POMP: variants seen among roughly 807,000 people sequenced by gnomAD.
POMP encodes proteasome maturation protein.
A neutral mutation model predicts 20.6 loss-of-function variants in POMP; 12 were observed. That is an observed-to-expected ratio of 0.58 (90% CI 0.37 to 0.94). The LOEUF (loss-of-function observed/expected upper bound fraction) is 0.94. POMP is among the 40% of genes least tolerant of loss of function. The pLI is 0.01. For synonymous variants in POMP, 53 were observed against 55.0 expected (o/e 0.96, Z 0.16); for missense variants, 136 against 161.1 (o/e 0.84, Z 0.84).
At chr13:28,662,310 A>G in intron 1 of POMP, 100 bp from the exon 2 acceptor site, 1 of 842,196 alleles carries the variant, frequency 1.2e-6, no homozygotes, top group Non-Finnish European at 1.9e-6. Context: ...AGGGCCTCTT[A>G]TTTTTCTGTC....
rs771652313 is a variant in POMP at position 28,659,164 on chromosome 13, C to G, written c.-21C>G. 3 of 1,583,802 alleles carry G rather than the reference C, an allele frequency of 1.9e-6. No homozygotes were observed. The highest frequency in any genetic ancestry group is 1.8e-5 in the Admixed American group (1 of 55,746). On this transcript the variant is annotated 5_prime_UTR_variant, in exon 1 of 6. Coordinates refer to ENST00000380842, the MANE Select transcript of POMP (RefSeq NM_015932.6). ...GACTGACGGTAACGGGGCAGAGAGGCTGTTCGCAGAGCTGCGGAAGATGGT... is the reference window on the plus strand; with the variant it reads ...GACTGACGGTAACGGGGCAGAGAGGGTGTTCGCAGAGCTGCGGAAGATGGT...
chr13:28,664,427 C>G (rs1884402584), intron 2 of POMP, 82 bp from the exon 3 acceptor site: 2 of 923,068 alleles, frequency 2.2e-6, no homozygotes, highest in South Asian at 3.0e-5. Context: ...TCATGCCATC[C>G]CTTTATAGAT....
chr13:28,674,047 G>T, intron 5 of POMP, among the ~76,000 whole-genome samples: 1 of 152,200 alleles, frequency 6.6e-6, no homozygotes. Flanking sequence ...CATTGACCTA[G>T]AAGTAGAAGG....
intron 5 of POMP, among the ~76,000 whole-genome samples, chr13:28,677,343 G>A (rs1479998602): frequency 6.6e-6 from 1 of 151,858 alleles, no homozygotes; most frequent in Non-Finnish European, 1.5e-5. Context: ...TTATGTGCAG[G>A]GTTATTCATT....
intron 5 of POMP, among the ~76,000 whole-genome samples, chr13:28,673,070 CTTT>C (rs34619603): frequency 1.6e-5 from 2 of 126,498 alleles, no homozygotes; most frequent in African/African-American, 5.7e-5. Flanking sequence ...AGGAATCTGT[CTTT>C]TTTTTTTTTT....
chr13:28,676,805 C>T (rs1294173771), intron 5 of POMP, among the ~76,000 whole-genome samples: 2 of 152,124 alleles, frequency 1.3e-5, no homozygotes, highest in Non-Finnish European at 2.9e-5. Flanking sequence ...CTTTCATGTA[C>T]TCTAATCCCC....
Position 28,668,485 on chromosome 13 carries a change from CAAGA to C in POMP, c.176_179del (p.Gln59LeufsTer3). The C allele has an allele frequency of 6.2e-7, 1 of 1,606,892 alleles. No individual in the cohort carries two copies. The highest frequency in any genetic ancestry group is 8.5e-7 in the Non-Finnish European group (1 of 1,173,662). On this transcript the variant is annotated frameshift_variant, in exon 4 of 6. Coordinates refer to ENST00000380842, the MANE Select transcript of POMP (RefSeq NM_015932.6). LOFTEE classifies it high-confidence loss of function. The stretch of plus-strand genomic sequence containing the variant: ...TTGTCTTTTGTAGTTCCAGCTCAAC[CAAGA>C]TAAAATGAATTTTTCCACACTGAGA...
At chr13:28,669,044 AT>A (rs1884495858) in intron 4 of POMP, among the ~76,000 whole-genome samples, 1 of 152,100 alleles carries the variant, frequency 6.6e-6, no homozygotes, top group Non-Finnish European at 1.5e-5. Context: ...TCAAGCTGAT[AT>A]CTTTAACCCC....
Position 28,677,371 on chromosome 13 carries a change from C to T in POMP, c.359-664C>T, listed in dbSNP as rs950627428. Among the ~76,000 whole-genome samples, 10 of 152,216 alleles carry T rather than the reference C, an allele frequency of 6.6e-5. 1 individual carries two copies. In the East Asian group the frequency reaches 9.6e-4, roughly 15 times the overall value. On this transcript the variant is annotated intron_variant, in intron 5 of 5. Transcript: ENST00000380842. ...TATTCATTTTTACAAAGTGATTTTA[C>T]GATTTAGTTCATTAGGTTTTTATTC...
intron 2 of POMP, among the ~76,000 whole-genome samples, chr13:28,663,023 T>G (rs1460445679): frequency 6.6e-6 from 1 of 152,214 alleles, no homozygotes; most frequent in Non-Finnish European, 1.5e-5. Flanking sequence ...AATAAATGAG[T>G]TAATACCTGA....
intron 1 of POMP, among the ~76,000 whole-genome samples, chr13:28,661,655 G>T (rs143371557): frequency 4.6e-5 from 7 of 152,166 alleles, no homozygotes; most frequent in South Asian, 2.1e-4. Flanking sequence ...TCACAGTAGC[G>T]TAGGGTAATC....
Position 28,672,451 on chromosome 13 carries a change from CT to C in POMP, c.358+24del. 6.6e-7 allele frequency: 1 copy of C among 1,525,446 alleles called. No homozygotes were observed. Among genetic ancestry groups the C allele is most frequent in the Non-Finnish European group, 9.1e-7 (1 of 1,099,562 alleles). The allele number at this position is 1,525,446 out of a possible 1,614,324, so 94.5% of individuals were successfully genotyped here. ...CTTAATGGTAAGTGTCATTCAGCAC[CT>C]TTTTATGGAGCCCTTGTAATTTAAA... is the stretch of plus-strand genomic sequence containing the variant. On this transcript the variant is annotated intron_variant, in intron 5 of 5. Transcript: ENST00000380842.
chr13:28,663,908 A>G (rs190986314), intron 2 of POMP, among the ~76,000 whole-genome samples: 275 of 152,220 alleles, frequency 1.8e-3, no homozygotes, highest in African/African-American at 6.5e-3. Flanking sequence ...TCAATAAACA[A>G]TTGTTGCAGG....
chr13:28,662,408 A>G lies in POMP; in HGVS notation c.4-2A>G. 1 of 1,607,724 alleles carries G rather than the reference A, an allele frequency of 6.2e-7. No individual in the cohort carries two copies. Among genetic ancestry groups the G allele is most frequent in the Non-Finnish European group, 8.5e-7 (1 of 1,174,290 alleles). ...TAATAATGTTTTTTATTTGTGTTGT[A>G]GAATGCCAGAGGACTTGGATCTGAG... On this transcript the variant is annotated splice_acceptor_variant, in intron 1 of 5. Coordinates refer to ENST00000380842, the MANE Select transcript of POMP (RefSeq NM_015932.6). LOFTEE classifies it high-confidence loss of function.
intron 5 of POMP, among the ~76,000 whole-genome samples, chr13:28,673,450 T>C (rs1884584649): frequency 6.6e-6 from 1 of 152,252 alleles, no homozygotes; most frequent in Admixed American, 6.5e-5. Flanking sequence ...TCCTCTATTT[T>C]TTCTGGTCCT....
chr13:28,677,974 A>G, intron 5 of POMP, 61 bp from the exon 6 acceptor site: 3 of 1,503,800 alleles, frequency 2.0e-6, no homozygotes, highest in Non-Finnish European at 2.8e-6. Context: ...TGTAAGCAGA[A>G]TCATTGAATG....
At chr13:28,662,646 G>A (rs1199129821) in intron 2 of POMP, 139 bp downstream of exon 2, 2 of 719,858 alleles carry the variant, frequency 2.8e-6, no homozygotes, top group Admixed American at 2.3e-5. Flanking sequence ...GTGCAGAGGG[G>A]AAGAGGCTTA....
At chr13:28,668,192 G>A (rs1158303742) in intron 3 of POMP, among the ~76,000 whole-genome samples, 1 of 152,166 alleles carries the variant, frequency 6.6e-6, no homozygotes, top group East Asian at 1.9e-4. Flanking sequence ...TGATTGTCTT[G>A]TAAATCTACT....
chr13:28,662,763 TA>T (rs1374884087), intron 2 of POMP, among the ~76,000 whole-genome samples: 1 of 152,224 alleles, frequency 6.6e-6, no homozygotes, highest in Non-Finnish European at 1.5e-5. Flanking sequence ...GGATTCTTTT[TA>T]TTTATTTTTT....
Sources: gnomAD v4.1 joint callset for allele counts (sites outside exome capture counted in the v4.1 genomes callset) on GRCh38, gnomAD v4.1.1 for gene constraint, MANE v1.5 for transcripts, NCBI Gene and HGNC (gene_info 2026-07-23, HGNC 2026-07-21) for gene names.